The following PRDM16 variants were observed in gnomAD, a reference collection of about 807,000 sequenced individuals.
The protein encoded by PRDM16 is histone-lysine N-methyltransferase PRDM16.
A neutral mutation model predicts 110.6 loss-of-function variants in PRDM16; 23 were observed. The observed-to-expected ratio is 0.21, with a 90% confidence interval of 0.15 to 0.29. The LOEUF is 0.29. Among genes scored for constraint, PRDM16 ranks in the 10% least tolerant of loss-of-function variants. PRDM16 has a pLI of 1.00. For synonymous variants in PRDM16, 799 were observed against 781.8 expected, an observed-to-expected ratio of 1.02 and a Z score of -0.37; for missense variants, 1,615 against 1,794.3, an observed-to-expected ratio of 0.90 and a Z score of 1.81.
chr1:3,128,803 G>T (rs984713172), intron 1 of PRDM16, among the ~76,000 whole-genome samples: 1 of 152,246 alleles, frequency 6.6e-6, no homozygotes, highest in African/African-American at 2.4e-5. Context: ...GTAGCCTGAA[G>T]AGTGGACAGC....
chr1:3,114,191 A>ACGCACACGCACGCG (rs767427248), intron 1 of PRDM16, among the ~76,000 whole-genome samples: 48,195 of 130,620 alleles, frequency 0.37, 8,483 homozygotes, highest in East Asian at 0.59. Flanking sequence ...ACACGCACAC[A>ACGCACACGCACGCG]CGCACACGCA....
chr1:3,147,149 C>T (rs79538554), intron 1 of PRDM16, among the ~76,000 whole-genome samples: 5,802 of 137,194 alleles, frequency 0.042, 359 homozygotes, highest in East Asian at 0.25. Flanking sequence ...TGTGTGTGCT[C>T]GGTGTGAGGT....
intron 3 of PRDM16, among the ~76,000 whole-genome samples, chr1:3,380,970 A>G (rs1470284264): frequency 1.3e-5 from 2 of 152,194 alleles, no homozygotes; most frequent in Non-Finnish European, 2.9e-5. Flanking sequence ...GATCACAGGC[A>G]TTGAGGAGGC....
chr1:3,340,248 A>G lies in PRDM16; in HGVS notation c.439-44904A>G, dbSNP rs184659213. Among the ~76,000 whole-genome samples the G allele has an allele frequency of 7.2e-5, 11 of 151,910 alleles. No homozygotes were observed. The East Asian group carries it at 2.1e-3, about 30-fold the overall frequency. On this transcript the variant is annotated intron_variant, in intron 3 of 16. Coordinates refer to ENST00000270722, the MANE Select transcript of PRDM16 (RefSeq NM_022114.4). ...TGCACACTGTACCCCCTAAATCCCC[A>G]AGCAGACCCCACGAGCCCACCCTCC...
chr1:3,089,806 T>C lies in PRDM16; in HGVS notation c.37+20510T>C, dbSNP rs139576274. Among the ~76,000 whole-genome samples the C allele has an allele frequency of 4.3e-3, 650 of 152,308 alleles. 3 individuals are homozygous for C. Among genetic ancestry groups the C allele is most frequent in the Non-Finnish European group, 6.7e-3 (454 of 68,022 alleles). The stretch of plus-strand genomic sequence containing the variant: ...ACCAGGGATGTTCCATTTGATTTAA[T>C]GAAAATAGGAACACCAAGCTGGTGA... On this transcript the variant is annotated intron_variant, in intron 1 of 16. Transcript: ENST00000270722.
At chr1:3,275,019 G>A (rs1297451065) in intron 3 of PRDM16, among the ~76,000 whole-genome samples, 1 of 152,226 alleles carries the variant, frequency 6.6e-6, no homozygotes, top group Non-Finnish European at 1.5e-5. Context: ...AGCAAGGTTG[G>A]ACTCTGAGCA....
chr1:3,420,888 G>A lies in PRDM16; in HGVS notation c.2939+2144G>A, dbSNP rs190822850. On this transcript the variant is annotated intron_variant, in intron 12 of 16. Coordinates refer to ENST00000270722, the MANE Select transcript of PRDM16 (RefSeq NM_022114.4). ...GGGGGTCTCTCTGGGAGGCTGCCCA[G>A]TGGAGCCTGGAGTCACAGCCTGGAT... 6.5e-3 allele frequency among the ~76,000 whole-genome samples: 993 copies of A among 152,276 alleles called. 8 individuals carry two copies. The highest frequency in any genetic ancestry group is 0.011 in the Non-Finnish European group (758 of 68,032).
intron 3 of PRDM16, among the ~76,000 whole-genome samples, chr1:3,324,739 C>A (rs896591777): frequency 6.8e-6 from 1 of 146,738 alleles, no homozygotes; most frequent in Non-Finnish European, 1.5e-5. Context: ...CCGTCGTCAC[C>A]CCCCCTTGAT....
At chr1:3,167,005 G>T (rs996203491) in intron 1 of PRDM16, among the ~76,000 whole-genome samples, 1 of 152,136 alleles carries the variant, frequency 6.6e-6, no homozygotes, top group Non-Finnish European at 1.5e-5. Flanking sequence ...GGCTGAACAC[G>T]CACCCTCCAA....
intron 1 of PRDM16, among the ~76,000 whole-genome samples, chr1:3,137,244 G>C (rs889468146): frequency 2.6e-5 from 4 of 152,226 alleles, no homozygotes; most frequent in African/African-American, 9.6e-5. Flanking sequence ...CTGGGCAGCT[G>C]AGCTCTTCTC....
intron 2 of PRDM16, among the ~76,000 whole-genome samples, chr1:3,196,024 G>A (rs1638464674): frequency 6.6e-6 from 1 of 152,200 alleles, no homozygotes; most frequent in African/African-American, 2.4e-5. Context: ...GGCTGAGAAG[G>A]AAGGAATAGC....
At chr1:3,130,898 C>T (rs1643321311) in intron 1 of PRDM16, among the ~76,000 whole-genome samples, 2 of 151,752 alleles carry the variant, frequency 1.3e-5, no homozygotes, top group East Asian at 3.9e-4. Context: ...AGGGCTAGAA[C>T]GCAGCCGCTT....
Position 3,186,328 on chromosome 1 carries a change from C to T in PRDM16, c.241C>T (p.Pro81Ser). ...CTACATTCCTGAAGACATTCCGATC[C>T]CAGCAGACTTCGAGCTCCGAGAGTC... ...PVYIPEDIPI[P>S]ADFELRESSI... is the part of the protein sequence containing the mutation. The change falls in exon 2 of 17, where the codon CCA (proline) becomes TCA (serine). Residue 81 changes from proline to serine, a missense_variant. Transcript: ENST00000270722. The T allele has an allele frequency of 6.2e-7, 1 of 1,612,320 alleles. No homozygotes were observed. The highest frequency in any genetic ancestry group is 8.5e-7 in the Non-Finnish European group (1 of 1,179,746).
chr1:3,182,585 A>G (rs552806452), intron 1 of PRDM16, among the ~76,000 whole-genome samples: 4 of 152,246 alleles, frequency 2.6e-5, no homozygotes, highest in African/African-American at 9.6e-5. Context: ...TAAGGCTGAA[A>G]TAGACGCAGC....
intron 3 of PRDM16, among the ~76,000 whole-genome samples, chr1:3,335,892 C>G (rs1274533691): frequency 6.6e-6 from 1 of 152,218 alleles, no homozygotes; most frequent in African/African-American, 2.4e-5. Flanking sequence ...TGGGAGAGCT[C>G]AGACTGGTCT....
chr1:3,359,749 G>A lies in PRDM16; in HGVS notation c.439-25403G>A, dbSNP rs988082057. Among the ~76,000 whole-genome samples the A allele has an allele frequency of 7.2e-5, 11 of 152,334 alleles. No individual in the cohort carries two copies. The highest frequency in any genetic ancestry group is 2.6e-4 in the African/African-American group (11 of 41,580). ...TGTGTGCCTGAGGGGAACGCACTGG[G>A]TTGATCCCTCAGCGGCAGCCAGAAG... On this transcript the variant is annotated intron_variant, in intron 3 of 16. Transcript: ENST00000270722. This position sits in a 1 kb window ranked among gnomAD's most constrained non-coding sequence, Gnocchi z 4.3.
intron 3 of PRDM16, among the ~76,000 whole-genome samples, chr1:3,384,808 T>C (rs1429331872): frequency 6.6e-6 from 1 of 152,210 alleles, no homozygotes; most frequent in Non-Finnish European, 1.5e-5. Flanking sequence ...GATGCAGCAG[T>C]CCCTGCCTTC....
chr1:3,189,748 G>A (rs1165631973), intron 2 of PRDM16, among the ~76,000 whole-genome samples: 1 of 152,176 alleles, frequency 6.6e-6, no homozygotes, highest in African/African-American at 2.4e-5. Flanking sequence ...CTCAGAAGTG[G>A]GATTCCCCTG....
intron 1 of PRDM16, among the ~76,000 whole-genome samples, chr1:3,114,573 CTT>C (rs1166971507): frequency 4.4e-5 from 6 of 135,634 alleles, no homozygotes; most frequent in East Asian, 4.5e-4. Flanking sequence ...CAAGCACACA[CTT>C]GCACACACAA....
Sources: allele counts gnomAD v4.1 joint callset (sites outside exome capture counted in the v4.1 genomes callset), GRCh38; gene constraint gnomAD v4.1.1; non-coding constraint Gnocchi (gnomAD v3.1); transcripts MANE v1.5; gene names NCBI Gene and HGNC (gene_info 2026-07-23, HGNC 2026-07-21).